Variants in SNCAIP observed in about 807,000 individuals in gnomAD.
SNCAIP encodes the protein synuclein alpha interacting protein.
In SNCAIP, 43 loss-of-function variants were observed where a neutral mutation model predicts 86.7. That is an observed-to-expected ratio of 0.50 (90% CI 0.39 to 0.64). The LOEUF is 0.64. Among genes scored for constraint, SNCAIP ranks in the 30% least tolerant of loss-of-function variants. The probability of loss-of-function intolerance (pLI) is 0.00; values close to 1 mark genes in which losing one functional copy is unlikely to be tolerated. For missense variants in SNCAIP, 981 were observed against 1,103.1 expected (o/e 0.89, Z 1.57); for synonymous variants, 417 against 427.2 (o/e 0.98, Z 0.29).
chr5:122,427,975 A>C (rs972499964), intron 5 of SNCAIP, among the ~76,000 whole-genome samples: 16 of 152,216 alleles, frequency 1.1e-4, no homozygotes, highest in Non-Finnish European at 2.2e-4. Context: ...ACCCAAGAGT[A>C]CATACTGTGG....
intron 1 of SNCAIP, among the ~76,000 whole-genome samples, chr5:122,328,748 G>A (rs1754648334): frequency 6.6e-6 from 1 of 152,158 alleles, no homozygotes; most frequent in South Asian, 2.1e-4. Flanking sequence ...GCTTGCTTTA[G>A]TATAAAATCC....
chr5:122,399,453 AG>A (rs1654356194), intron 2 of SNCAIP, among the ~76,000 whole-genome samples: 1 of 152,184 alleles, frequency 6.6e-6, no homozygotes, highest in African/African-American at 2.4e-5. Flanking sequence ...TTAAGCCATC[AG>A]CCATTACTCA....
intron 3 of SNCAIP, among the ~76,000 whole-genome samples, chr5:122,417,421 C>T (rs1453593399): frequency 6.6e-6 from 1 of 152,082 alleles, no homozygotes; most frequent in African/African-American, 2.4e-5. Context: ...TATAGTCTAA[C>T]CCGTTCATTT....
chr5:122,423,986 A>C (rs531304612), intron 4 of SNCAIP, among the ~76,000 whole-genome samples: 1 of 152,246 alleles, frequency 6.6e-6, no homozygotes, highest in Non-Finnish European at 1.5e-5. Flanking sequence ...TCAACTGAAG[A>C]CTCTTAATCT....
intron 8 of SNCAIP, among the ~76,000 whole-genome samples, chr5:122,447,407 T>C (rs1236007253): frequency 1.3e-5 from 2 of 152,242 alleles, no homozygotes; most frequent in Non-Finnish European, 2.9e-5. Flanking sequence ...GATGAGTTCT[T>C]CCTGAGGGCT....
At chr5:122,338,172 A>G (rs773751646) in intron 1 of SNCAIP, among the ~76,000 whole-genome samples, 1 of 152,242 alleles carries the variant, frequency 6.6e-6, no homozygotes, top group Non-Finnish European at 1.5e-5. Context: ...CAACGGTTAA[A>G]TAGAACGGAT....
chr5:122,414,820 C>T lies in SNCAIP; in HGVS notation c.131-8048C>T, dbSNP rs868109839. Among the ~76,000 whole-genome samples, 5 of 152,176 alleles carry T rather than the reference C, an allele frequency of 3.3e-5. No individual in the cohort carries two copies. In the South Asian group the frequency reaches 6.2e-4, roughly 19 times the overall value. ...AGAAGTCAGCATGCTATGTCATTTT[C>T]CACATTATACTTAAAATTCTCTGAG... On this transcript the variant is annotated intron_variant, in intron 3 of 10. Transcript: ENST00000261368.
rs563010807 is a variant in SNCAIP, at chr5:122,391,610, C to T, written c.57+419C>T. ...AAGTTGGAATTTATTAATTGATGAA[C>T]AATAAAAAGAATCTTTCCAATCACT... On this transcript the variant is annotated intron_variant, in intron 2 of 10. Coordinates refer to ENST00000261368, the MANE Select transcript of SNCAIP (RefSeq NM_005460.4). 2.6e-5 allele frequency among the ~76,000 whole-genome samples: 4 copies of T among 152,234 alleles called. No homozygotes were observed. In the South Asian group the frequency reaches 8.3e-4, roughly 32 times the overall value.
chr5:122,424,581 T>A (rs1777008066), intron 4 of SNCAIP, among the ~76,000 whole-genome samples: 1 of 152,238 alleles, frequency 6.6e-6, no homozygotes, highest in African/African-American at 2.4e-5. Flanking sequence ...ACTATTGTGA[T>A]AGGGTAATAT....
chr5:122,444,645 A>G lies in SNCAIP; in HGVS notation c.1505A>G (p.His502Arg). 3.1e-6 allele frequency: 5 copies of G among 1,614,020 alleles called. No homozygotes were observed. Among genetic ancestry groups the G allele is most frequent in the Non-Finnish European group, 4.2e-6 (5 of 1,179,892 alleles). Residue 502 changes from histidine to arginine, a missense_variant, in exon 8 of 11, where the codon CAC becomes CGC. Transcript: ENST00000261368. ...TCCCAGAGCGCCGAGCGGCAGGGGC[A>G]CACCCTGTGCTCCAGGTACCTGGTG... The part of the protein sequence containing the change: ...KPSQSAERQG[H>R]TLCSRYLVVV...
intron 1 of SNCAIP, among the ~76,000 whole-genome samples, chr5:122,340,462 A>C (rs1757336493): frequency 6.6e-6 from 1 of 152,210 alleles, no homozygotes; most frequent in South Asian, 2.1e-4. Context: ...GTGAAAAAAT[A>C]GTCCAATTTC....
intron 1 of SNCAIP, among the ~76,000 whole-genome samples, chr5:122,316,703 A>G (rs189620753): frequency 1.3e-5 from 2 of 152,306 alleles, no homozygotes; most frequent in East Asian, 3.9e-4. Context: ...ACGTTAATGG[A>G]TGTTTAATAG....
intron 5 of SNCAIP, among the ~76,000 whole-genome samples, chr5:122,428,566 A>T (rs1292992418): frequency 1.4e-5 from 2 of 142,918 alleles, no homozygotes; most frequent in African/African-American, 4.9e-5. Flanking sequence ...AAGTCTCAAT[A>T]AGTTTTTTTT....
At chr5:122,320,813 CT>C (rs1182752130) in intron 1 of SNCAIP, among the ~76,000 whole-genome samples, 1 of 152,218 alleles carries the variant, frequency 6.6e-6, no homozygotes, top group Non-Finnish European at 1.5e-5. Flanking sequence ...GCATTGCTCA[CT>C]ATAAACCACA....
chr5:122,423,564 C>G lies in SNCAIP; in HGVS notation c.827C>G (p.Pro276Arg). The change falls in exon 4 of 11, where the codon CCA becomes CGA. Residue 276 changes from proline to arginine, a missense_variant. Pro to Arg is a moderately radical substitution (Grantham distance 103). Coordinates refer to ENST00000261368, the MANE Select transcript of SNCAIP (RefSeq NM_005460.4). ...PHGRKVEKTT[P>R]DCQLRAFHLQ... is the part of the protein sequence containing the mutation. The stretch of plus-strand genomic sequence containing the variant: ...GGTCGAAAAGTTGAGAAGACAACAC[C>G]AGACTGCCAGCTCAGGGCCTTCCAC... 6.2e-7 allele frequency: 1 copy of G among 1,614,140 alleles called. No individual in the cohort carries two copies. The highest frequency in any genetic ancestry group is 2.2e-5 in the East Asian group (1 of 44,864).
intron 1 of SNCAIP, among the ~76,000 whole-genome samples, chr5:122,337,144 G>A (rs1374094709): frequency 3.3e-5 from 5 of 152,282 alleles, no homozygotes; most frequent in African/African-American, 1.2e-4. Context: ...CATGGGAAAA[G>A]GGAAAATATG....
intron 1 of SNCAIP, among the ~76,000 whole-genome samples, chr5:122,316,466 G>C (rs1244534496): frequency 6.6e-6 from 1 of 152,164 alleles, no homozygotes; most frequent in Middle Eastern, 3.2e-3. Context: ...GATGGAAATA[G>C]GGTGACAAGA....
chr5:122,327,820 T>G (rs972343440), intron 1 of SNCAIP, among the ~76,000 whole-genome samples: 1 of 152,168 alleles, frequency 6.6e-6, no homozygotes, highest in East Asian at 1.9e-4. Context: ...TTCTGTCTGG[T>G]GGAGAAGAAA....
upstream of SNCAIP, chr5:122,312,012 C>G (rs1285971839): frequency 4.1e-5 from 6 of 147,304 alleles, no homozygotes; most frequent in African/African-American, 9.8e-5. Flanking sequence ...GCCGCGCCCC[C>G]GTCCCCGGCC....
Sources: gnomAD v4.1 joint callset for allele counts (sites outside exome capture counted in the v4.1 genomes callset) on GRCh38, gnomAD v4.1.1 for gene constraint, MANE v1.5 for transcripts, NCBI Gene and HGNC (gene_info 2026-07-23, HGNC 2026-07-21) for gene names.